GLI2: variants seen among roughly 807,000 people sequenced by gnomAD.
The protein encoded by GLI2 is transcription activator GLI2.
GLI2 carries 22 observed loss-of-function variants against 78.9 expected under a neutral mutation model. That is an observed-to-expected ratio of 0.28 (90% CI 0.20 to 0.40). GLI2 has a LOEUF of 0.40. GLI2 is among the 10% of genes least tolerant of loss of function. GLI2 has a pLI of 1.00. For missense variants in GLI2, 2,097 were observed against 2,213.2 expected, an observed-to-expected ratio of 0.95 and a Z score of 1.05; for synonymous variants, 974 against 963.7, an observed-to-expected ratio of 1.01 and a Z score of -0.20.
intron 3 of GLI2, among the ~76,000 whole-genome samples, chr2:120,928,304 C>G (rs1245743727): frequency 6.6e-6 from 1 of 152,210 alleles, no homozygotes; most frequent in Non-Finnish European, 1.5e-5. Context: ...TCCCATGTCT[C>G]TGTGCCTGGG....
chr2:120,974,876 A>T lies in GLI2; in HGVS notation c.1183-99A>T, dbSNP rs375176567. On this transcript the variant is annotated intron_variant, in intron 8 of 13. Transcript: ENST00000361492. Reference sequence around the variant, plus strand: ...CTTGCATCCACACCTGTAACAGCCCAGGGTCCTTGGCACAGAATGCATGGG... The same window carrying T: ...CTTGCATCCACACCTGTAACAGCCCTGGGTCCTTGGCACAGAATGCATGGG... 38 of 1,576,062 alleles carry T rather than the reference A, an allele frequency of 2.4e-5. No homozygotes were observed. The African/African-American group carries it at 5.1e-4, about 21-fold the overall frequency.
At chr2:120,755,091 T>C (rs1421687572) in intron 1 of GLI2, among the ~76,000 whole-genome samples, 1 of 152,188 alleles carries the variant, frequency 6.6e-6, no homozygotes, top group Non-Finnish European at 1.5e-5. Flanking sequence ...CCTCAAATGG[T>C]CTACCCGCCT....
intron 2 of GLI2, among the ~76,000 whole-genome samples, chr2:120,812,022 T>G (rs756841538): frequency 2.4e-4 from 36 of 152,268 alleles, no homozygotes; most frequent in Non-Finnish European, 1.5e-4. Context: ...TCAATGACTG[T>G]GCGGAACAGG....
At chr2:120,918,827 G>T (rs544609143) in intron 2 of GLI2, among the ~76,000 whole-genome samples, 3 of 152,324 alleles carry the variant, frequency 2.0e-5, no homozygotes, top group Non-Finnish European at 2.9e-5. Context: ...CTCATTACTT[G>T]CTAGCGAATG....
chr2:120,966,007 C>T (rs957576829), intron 5 of GLI2, among the ~76,000 whole-genome samples: 1 of 152,228 alleles, frequency 6.6e-6, no homozygotes, highest in Admixed American at 6.5e-5. Flanking sequence ...AAGCCCCAGT[C>T]TTCATAGCCC....
intron 4 of GLI2, among the ~76,000 whole-genome samples, chr2:120,952,808 C>G (rs1387168721): frequency 6.6e-6 from 1 of 152,218 alleles, no homozygotes; most frequent in African/African-American, 2.4e-5. Flanking sequence ...CCAGCCCTAT[C>G]CACATCACTC....
intron 1 of GLI2, among the ~76,000 whole-genome samples, chr2:120,779,504 G>A (rs918131049): frequency 6.6e-6 from 1 of 152,218 alleles, no homozygotes; most frequent in African/African-American, 2.4e-5. Flanking sequence ...CTTGGAGAAG[G>A]AACTAGGGTG....
intron 2 of GLI2, among the ~76,000 whole-genome samples, chr2:120,893,928 G>A (rs1677807000): frequency 6.6e-6 from 1 of 152,180 alleles, no homozygotes; most frequent in Non-Finnish European, 1.5e-5. Context: ...CTAGGGGAGG[G>A]AATTGTGTGG....
chr2:120,989,288 G>A lies in GLI2; in HGVS notation c.3323G>A (p.Gly1108Glu). The A allele has an allele frequency of 6.2e-7, 1 of 1,613,100 alleles. No individual in the cohort carries two copies. Among genetic ancestry groups the A allele is most frequent in the Middle Eastern group, 1.6e-4 (1 of 6,062 alleles). The part of the protein sequence containing the change: ...SNVGPSAPML[G>E]GCQLGFGAPS... ...GTGGGCCCCTCCGCCCCTATGCTGG[G>A]AGGATGCCAGTTAGGCTTTGGGGCG... is the stretch of plus-strand genomic sequence containing the variant. Residue 1108 changes from glycine to glutamate, a missense_variant, in exon 14 of 14, where the codon GGA becomes GAA. Around this residue, in one of 5 missense-constraint regions of GLI2, gnomAD observed 1,290 missense variants for 1,261.7 expected, o/e 1.02. Transcript: ENST00000361492.
chr2:120,839,052 T>G lies in GLI2; in HGVS notation c.148+41584T>G, dbSNP rs186974079. Among the ~76,000 whole-genome samples, 507 of 152,346 alleles carry G rather than the reference T, an allele frequency of 3.3e-3. 6 individuals are homozygous for G. The highest frequency in any genetic ancestry group is 0.012 in the African/African-American group (480 of 41,576). ...TCTTGCTGTGTCATTCCATCAGCAG[T>G]GAGACTGACCCATAAATTTCCATTC... On this transcript the variant is annotated intron_variant, in intron 2 of 13. Coordinates refer to ENST00000361492, the MANE Select transcript of GLI2 (RefSeq NM_001374353.1).
intron 3 of GLI2, among the ~76,000 whole-genome samples, chr2:120,930,199 C>T (rs1043136633): frequency 1.3e-5 from 2 of 152,206 alleles, no homozygotes; most frequent in Admixed American, 6.5e-5. Context: ...TGTGTAGAGG[C>T]ACCACCAGAA....
At chr2:120,842,825 A>G (rs1195930341) in intron 2 of GLI2, among the ~76,000 whole-genome samples, 2 of 152,262 alleles carry the variant, frequency 1.3e-5, no homozygotes, top group Non-Finnish European at 2.9e-5. Flanking sequence ...GGCATAGGAC[A>G]TAGTTTTATT....
At chr2:120,762,645 C>T (rs1346380121) in intron 1 of GLI2, among the ~76,000 whole-genome samples, 1 of 152,210 alleles carries the variant, frequency 6.6e-6, no homozygotes, top group Non-Finnish European at 1.5e-5. Flanking sequence ...GGTCACAGGC[C>T]TCCCCATCGA....
At chr2:120,893,493 A>G (rs1412646780) in intron 2 of GLI2, among the ~76,000 whole-genome samples, 1 of 152,194 alleles carries the variant, frequency 6.6e-6, no homozygotes, top group Non-Finnish European at 1.5e-5. Context: ...GAGATTTCTC[A>G]TGGCTCAGTT....
chr2:120,930,518 C>T (rs944680141), intron 3 of GLI2, among the ~76,000 whole-genome samples: 14 of 152,212 alleles, frequency 9.2e-5, no homozygotes, highest in African/African-American at 3.4e-4. Flanking sequence ...GTCCCTCTGA[C>T]GAGTCCAGCC....
intron 3 of GLI2, among the ~76,000 whole-genome samples, chr2:120,941,560 A>T (rs560017497): frequency 6.6e-5 from 10 of 152,326 alleles, no homozygotes; most frequent in African/African-American, 2.4e-4. Context: ...GGCAGTAAGA[A>T]GTTCCAGTTT....
rs1235577065 is a variant in GLI2 at position 120,818,898 on chromosome 2, C to A, written c.148+21430C>A. Among the ~76,000 whole-genome samples, 6 of 152,292 alleles carry A rather than the reference C, an allele frequency of 3.9e-5. No homozygotes were observed. In the South Asian group the frequency reaches 1.2e-3, roughly 32 times the overall value. On this transcript the variant is annotated intron_variant, in intron 2 of 13. Transcript: ENST00000361492. ...AGCCTCCCCCACCTTATGCTGATAACCTGCTTATCTGAAGCAGCCGCAGCC... is the reference window on the plus strand; with the variant it reads ...AGCCTCCCCCACCTTATGCTGATAAACTGCTTATCTGAAGCAGCCGCAGCC...
intron 1 of GLI2, among the ~76,000 whole-genome samples, chr2:120,765,857 G>A (rs1304684384): frequency 2.6e-5 from 4 of 152,250 alleles, no homozygotes; most frequent in South Asian, 2.1e-4. Flanking sequence ...TTTGGCACGC[G>A]CTAAGGCGGC....
intron 1 of GLI2, among the ~76,000 whole-genome samples, chr2:120,787,658 G>A (rs1320921184): frequency 1.3e-5 from 2 of 152,230 alleles, no homozygotes; most frequent in African/African-American, 4.8e-5. Context: ...AATACACAAA[G>A]CAGCTGTTAA....
Sources: allele counts gnomAD v4.1 joint callset (sites outside exome capture counted in the v4.1 genomes callset), GRCh38; gene constraint gnomAD v4.1.1; regional missense constraint gnomAD v4.1.1; transcripts MANE v1.5; gene names NCBI Gene and HGNC (gene_info 2026-07-23, HGNC 2026-07-21).